EXOC6B: variants seen among roughly 807,000 people sequenced by gnomAD.
The protein encoded by EXOC6B is SEC15 homolog B.
A neutral mutation model predicts 113.5 loss-of-function variants in EXOC6B; 54 were observed. The ratio of observed to expected loss-of-function variants is 0.48; its 90% CI spans 0.38 to 0.60. EXOC6B has a LOEUF of 0.60. Ranked by LOEUF, EXOC6B falls within the 20% of genes least tolerant of loss-of-function variation. The pLI, the probability that EXOC6B is intolerant of heterozygous loss-of-function variation, is 0.00. For synonymous variants in EXOC6B, 357 were observed against 339.0 expected (o/e 1.05, Z -0.58); for missense variants, 797 against 977.5 (o/e 0.82, Z 2.46).
At chr2:72,388,373 T>G (rs576804753) in intron 18 of EXOC6B, among the ~76,000 whole-genome samples, 45 of 152,326 alleles carry the variant, frequency 3.0e-4, no homozygotes, top group African/African-American at 9.6e-4. Context: ...ATATCTGTTA[T>G]AGATTTCTAA....
intron 17 of EXOC6B, among the ~76,000 whole-genome samples, chr2:72,471,344 T>A (rs924789092): frequency 2.0e-5 from 3 of 152,208 alleles, no homozygotes; most frequent in African/African-American, 7.2e-5. Context: ...TTTGAGTTTA[T>A]TGTAGATTCT....
At chr2:72,735,591 G>T (rs1680895963) in intron 2 of EXOC6B, among the ~76,000 whole-genome samples, 1 of 151,272 alleles carries the variant, frequency 6.6e-6, no homozygotes, top group Non-Finnish European at 1.5e-5. Context: ...TTGTCAGGTG[G>T]ATCAACCTGA....
chr2:72,355,509 T>C (rs934304643), intron 19 of EXOC6B, among the ~76,000 whole-genome samples: 2 of 152,202 alleles, frequency 1.3e-5, no homozygotes, highest in African/African-American at 4.8e-5. Flanking sequence ...TCATTAGCCA[T>C]GGAACTTTTC....
intron 1 of EXOC6B, among the ~76,000 whole-genome samples, chr2:72,805,158 G>C (rs1217653775): frequency 6.6e-6 from 1 of 152,138 alleles, no homozygotes; most frequent in Non-Finnish European, 1.5e-5. Context: ...GTTTGTCAAA[G>C]ACTGCCAAGC....
chr2:72,430,794 C>T (rs931363301), intron 18 of EXOC6B, among the ~76,000 whole-genome samples: 1 of 152,124 alleles, frequency 6.6e-6, no homozygotes, highest in African/African-American at 2.4e-5. Flanking sequence ...AATAAATGGG[C>T]AGAAGAATTC....
At chr2:72,364,169 T>G (rs921831135) in intron 19 of EXOC6B, among the ~76,000 whole-genome samples, 1 of 152,126 alleles carries the variant, frequency 6.6e-6, no homozygotes, top group Non-Finnish European at 1.5e-5. Context: ...ACTTGAATTT[T>G]ATGTATCATT....
At chr2:72,456,558 G>GA (rs1697247389) in intron 18 of EXOC6B, among the ~76,000 whole-genome samples, 1 of 152,094 alleles carries the variant, frequency 6.6e-6, no homozygotes, top group African/African-American at 2.4e-5. Flanking sequence ...TGGTATAATG[G>GA]AAAAAATTTT....
At chr2:72,385,978 A>G (rs1326931546) in intron 18 of EXOC6B, among the ~76,000 whole-genome samples, 1 of 152,176 alleles carries the variant, frequency 6.6e-6, no homozygotes, top group African/African-American at 2.4e-5. Flanking sequence ...TTAAAATAGT[A>G]TTACTGTATG....
intron 19 of EXOC6B, among the ~76,000 whole-genome samples, chr2:72,361,525 G>T (rs917059188): frequency 6.6e-6 from 1 of 152,186 alleles, no homozygotes; most frequent in South Asian, 2.1e-4. Context: ...ACCAAAGGTG[G>T]ATAATTAATT....
At chr2:72,205,113 G>T (rs1196515032) in intron 20 of EXOC6B, among the ~76,000 whole-genome samples, 1 of 152,144 alleles carries the variant, frequency 6.6e-6, no homozygotes, top group Admixed American at 6.5e-5. Context: ...AGAGAGAATG[G>T]AAGAGAGAGG....
chr2:72,610,818 CT>C (rs937384907), intron 6 of EXOC6B, among the ~76,000 whole-genome samples: 7 of 152,174 alleles, frequency 4.6e-5, no homozygotes, highest in African/African-American at 1.7e-4. Flanking sequence ...TAGCGGTCCA[CT>C]TTCAAGGAAT....
At chr2:72,346,069 A>T (rs1437457392) in intron 19 of EXOC6B, among the ~76,000 whole-genome samples, 1 of 152,100 alleles carries the variant, frequency 6.6e-6, no homozygotes, top group African/African-American at 2.4e-5. Flanking sequence ...ATATTCTCAA[A>T]GGTTTTTTTT....
intron 20 of EXOC6B, among the ~76,000 whole-genome samples, chr2:72,216,912 G>A (rs192775964): frequency 1.4e-4 from 22 of 151,982 alleles, no homozygotes; most frequent in Middle Eastern, 3.4e-3. Flanking sequence ...GGCCAGGGGC[G>A]CAAGGGGAGG....
chr2:72,421,856 C>T (rs1307363016), intron 18 of EXOC6B, among the ~76,000 whole-genome samples: 2 of 152,196 alleles, frequency 1.3e-5, no homozygotes, highest in Non-Finnish European at 1.5e-5. Flanking sequence ...ACCGGGGCTG[C>T]GTGCAGCGCT....
chr2:72,796,929 T>A (rs1684992920), intron 1 of EXOC6B, among the ~76,000 whole-genome samples: 1 of 152,222 alleles, frequency 6.6e-6, no homozygotes, highest in African/African-American at 2.4e-5. Flanking sequence ...GGAATAAGAT[T>A]GTATTACAAA....
At chr2:72,523,850 G>T (rs1052372882) in intron 8 of EXOC6B, among the ~76,000 whole-genome samples, 6 of 151,380 alleles carry the variant, frequency 4.0e-5, no homozygotes, top group African/African-American at 1.5e-4. Flanking sequence ...TTATCTACTG[G>T]CTATTTCCTG....
chr2:72,297,787 T>C (rs1451959522), intron 20 of EXOC6B, among the ~76,000 whole-genome samples: 1 of 152,214 alleles, frequency 6.6e-6, no homozygotes, highest in African/African-American at 2.4e-5. Context: ...TTAGTTTCCA[T>C]GTAGTTGTGC....
chr2:72,463,140 C>G (rs574276032), intron 18 of EXOC6B: 1 of 152,022 alleles, frequency 6.6e-6, no homozygotes, highest in Admixed American at 6.6e-5. Flanking sequence ...AAATCCTACA[C>G]ACTAGTACAA....
intron 20 of EXOC6B, among the ~76,000 whole-genome samples, chr2:72,189,142 T>C (rs1443375009): frequency 6.6e-6 from 1 of 152,244 alleles, no homozygotes; most frequent in Non-Finnish European, 1.5e-5. Context: ...TTTATTTTTG[T>C]TCCACTACAT....
Sources: allele counts gnomAD v4.1 joint callset (sites outside exome capture counted in the v4.1 genomes callset), GRCh38; gene constraint gnomAD v4.1.1; transcripts MANE v1.5; gene names NCBI Gene and HGNC (gene_info 2026-07-23, HGNC 2026-07-21).